The following VWA2 variants were observed in gnomAD, a reference collection of about 807,000 sequenced individuals.
The protein encoded by VWA2 is von Willebrand factor A domain-containing protein 2.
VWA2 carries 73 observed loss-of-function variants against 70.4 expected under a neutral mutation model. That is an observed-to-expected ratio of 1.04 (90% CI 0.86 to 1.26). The LOEUF (loss-of-function observed/expected upper bound fraction) is 1.26. Ranked by LOEUF, VWA2 falls within the 50% of genes most tolerant of loss-of-function variation. The pLI, the probability that VWA2 is intolerant of heterozygous loss-of-function variation, is 0.00. For missense variants in VWA2, 1,011 were observed against 998.5 expected (o/e 1.01, Z -0.17); for synonymous variants, 407 against 423.3 (o/e 0.96, Z 0.47).
intron 8 of VWA2, chr10:114,281,833 C>T: frequency 1.2e-6 from 1 of 834,478 alleles, no homozygotes; most frequent in African/African-American, 1.8e-5. Flanking sequence ...AAGTGAAGAC[C>T]AGAGGAGGAA....
In VWA2 at chr10:114,289,116, C is replaced by T. The variant is rs143465186; in HGVS notation, c.1749C>T (p.Phe583=). ...VVYGSQVQTA[F]GLDTKPTRAA... Reference sequence around the variant, plus strand: ...ATGGCAGCCAGGTGCAGACTGCCTTCGGGCTGGACACCAAACCCACCCGGG... The same window carrying T: ...ATGGCAGCCAGGTGCAGACTGCCTTTGGGCTGGACACCAAACCCACCCGGG... Residue 583 remains phenylalanine (F), a synonymous_variant, in exon 12 of 14, where the codon TTC becomes TTT. Transcript: ENST00000392982. The T allele has an allele frequency of 1.5e-5, 25 of 1,613,976 alleles. No homozygotes were observed. Among genetic ancestry groups the T allele is most frequent in the South Asian group, 1.1e-4 (10 of 91,084 alleles).
chr10:114,268,685 C>CTTTTTCT (rs1201457599), intron 5 of VWA2, among the ~76,000 whole-genome samples: 3 of 135,810 alleles, frequency 2.2e-5, no homozygotes, highest in East Asian at 2.0e-4. Flanking sequence ...GGAGGGATTT[C>CTTTTTCT]TTTTTCTTTT....
intron 1 of VWA2, among the ~76,000 whole-genome samples, chr10:114,241,511 T>G (rs1436224286): frequency 6.6e-6 from 1 of 152,132 alleles, no homozygotes; most frequent in African/African-American, 2.4e-5. Context: ...CACTGACATT[T>G]CCCCTCCTGG....
At chr10:114,258,601 A>C (rs1289120589) in intron 4 of VWA2, among the ~76,000 whole-genome samples, 1 of 152,212 alleles carries the variant, frequency 6.6e-6, no homozygotes, top group East Asian at 1.9e-4. Flanking sequence ...GTTTAACTCA[A>C]GTAAATACAC....
chr10:114,245,676 G>T (rs2037053207), intron 1 of VWA2, among the ~76,000 whole-genome samples: 1 of 152,212 alleles, frequency 6.6e-6, no homozygotes, highest in African/African-American at 2.4e-5. Context: ...GAAGCTAGCA[G>T]GAAGTATGTG....
intron 1 of VWA2, among the ~76,000 whole-genome samples, chr10:114,248,125 T>G (rs1390849687): frequency 6.8e-6 from 1 of 147,920 alleles, no homozygotes; most frequent in East Asian, 2.0e-4. Context: ...AAAAAAAAAG[T>G]CCTCTTCCTT....
chr10:114,255,385 G>T (rs970649249), intron 4 of VWA2, among the ~76,000 whole-genome samples: 1 of 152,300 alleles, frequency 6.6e-6, no homozygotes, highest in South Asian at 2.1e-4. Context: ...TCTGGCCAAA[G>T]TCCCAGGAGG....
chr10:114,283,322 G>T (rs910723664), intron 9 of VWA2, among the ~76,000 whole-genome samples: 19 of 141,838 alleles, frequency 1.3e-4, no homozygotes, highest in Admixed American at 6.8e-4. Flanking sequence ...CACAGGCAGG[G>T]TAGCGAGCAG....
intron 6 of VWA2, among the ~76,000 whole-genome samples, chr10:114,276,838 C>T (rs542722611): frequency 2.6e-5 from 4 of 152,042 alleles, no homozygotes; most frequent in African/African-American, 9.7e-5. Context: ...CTTTTGAGCC[C>T]CTTCTCTGAC....
rs1173604884 is a variant in VWA2 at position 114,290,256 on chromosome 10, C to A, written c.2139C>A (p.Val713=). ...EWLCGEAKQP[V]NLCKPSPCMN... ...CCATTGTAGAAGCCAAGCAGCCAGT[C>A]AACCTCTGCAAACCCAGCCCGTGCA... The change falls in exon 13 of 14, where the codon GTC becomes GTA. Residue 713 remains valine (V), a synonymous_variant. Coordinates refer to ENST00000392982, the MANE Select transcript of VWA2 (RefSeq NM_001272046.2). The A allele has an allele frequency of 3.2e-6, 5 of 1,550,402 alleles. No homozygotes were observed. In the East Asian group the frequency reaches 7.3e-5, roughly 23 times the overall value.
chr10:114,293,251 T>C lies in VWA2; in HGVS notation c.*2014T>C, dbSNP rs2039764822. ...ACAGAAGACAACGTCCGGGGCAGGA[T>C]CACATGCTCCCTAGCAGATGCTGAT... On this transcript the variant is annotated 3_prime_UTR_variant, in exon 14 of 14. Transcript: ENST00000392982. Among the ~76,000 whole-genome samples the C allele has an allele frequency of 2.0e-5, 3 of 152,348 alleles. No individual in the cohort carries two copies. Among genetic ancestry groups the C allele is most frequent in the African/African-American group, 7.2e-5 (3 of 41,584 alleles).
At chr10:114,243,679 G>A (rs1184935659) in intron 1 of VWA2, among the ~76,000 whole-genome samples, 4 of 152,206 alleles carry the variant, frequency 2.6e-5, no homozygotes, top group African/African-American at 9.7e-5. Context: ...TCCGATGGTA[G>A]AGAAGGCAGA....
chr10:114,275,705 A>C (rs906370392), intron 6 of VWA2, among the ~76,000 whole-genome samples: 1 of 152,116 alleles, frequency 6.6e-6, no homozygotes, highest in Admixed American at 6.5e-5. Flanking sequence ...AGGATGGTGG[A>C]TTACTTGAGG....
At chr10:114,240,685 T>C (rs888919369) in intron 1 of VWA2, among the ~76,000 whole-genome samples, 2 of 152,336 alleles carry the variant, frequency 1.3e-5, no homozygotes, top group East Asian at 3.9e-4. Flanking sequence ...AAGGTACCAC[T>C]AGAGTTGGCA....
chr10:114,254,443 G>A (rs575757135), intron 3 of VWA2, among the ~76,000 whole-genome samples: 3 of 152,188 alleles, frequency 2.0e-5, no homozygotes, highest in East Asian at 1.9e-4. Context: ...ACCAGGTAAC[G>A]GGGTGGCTAC....
Position 114,278,863 on chromosome 10 carries a change from C to A in VWA2, c.833+12C>A, listed in dbSNP as rs374045265. ...TGTCCCTTCTACAGGTTTGTCTGCG[C>A]GGTCTGGGCTCGGCCTGGGTGGAGA... On this transcript the variant is annotated intron_variant, in intron 8 of 13. Transcript: ENST00000392982. 5.0e-6 allele frequency: 8 copies of A among 1,612,280 alleles called. No homozygotes were observed. The highest frequency in any genetic ancestry group is 6.8e-6 in the Non-Finnish European group (8 of 1,179,930).
chr10:114,273,379 C>T (rs1400541073), intron 6 of VWA2, among the ~76,000 whole-genome samples: 1 of 152,160 alleles, frequency 6.6e-6, no homozygotes, highest in Non-Finnish European at 1.5e-5. Context: ...GCCCAGCTCA[C>T]GTCTTCAGAG....
At chr10:114,251,434 G>T (rs761649683) in intron 2 of VWA2, among the ~76,000 whole-genome samples, 8 of 152,256 alleles carry the variant, frequency 5.3e-5, no homozygotes, top group Non-Finnish European at 1.0e-4. Flanking sequence ...TTAGTGAGTG[G>T]TCTGTGCTCA....
intron 1 of VWA2, among the ~76,000 whole-genome samples, chr10:114,247,517 G>A (rs946897953): frequency 2.0e-5 from 3 of 152,028 alleles, no homozygotes; most frequent in African/African-American, 7.3e-5. Context: ...CAGGCTGGTC[G>A]TGAACTCCTG....
Sources: gnomAD v4.1 joint callset for allele counts (sites outside exome capture counted in the v4.1 genomes callset) on GRCh38, gnomAD v4.1.1 for gene constraint, MANE v1.5 for transcripts, NCBI Gene and HGNC (gene_info 2026-07-23, HGNC 2026-07-21) for gene names.